AGAP1: variants seen among roughly 807,000 people sequenced by gnomAD.
The protein encoded by AGAP1 is arf-GAP with GTPase, ANK repeat and PH domain-containing protein 1.
Under a neutral mutation model 105.3 loss-of-function variants are expected in AGAP1, and 29 were observed. That is an observed-to-expected ratio of 0.28 (90% CI 0.21 to 0.38). The LOEUF (loss-of-function observed/expected upper bound fraction) is 0.38, where lower values mean the gene tolerates loss of function less well. Among genes scored for constraint, AGAP1 ranks in the 10% least tolerant of loss-of-function variants. The probability of loss-of-function intolerance (pLI) is 1.00; values close to 1 mark genes in which losing one functional copy is unlikely to be tolerated. For synonymous variants in AGAP1, 509 were observed against 485.9 expected, an observed-to-expected ratio of 1.05 and a Z score of -0.63; for missense variants, 998 against 1,165.1, an observed-to-expected ratio of 0.86 and a Z score of 2.09.
Position 235,549,984 on chromosome 2 carries a change from C to T in AGAP1, c.163+55135C>T, listed in dbSNP as rs1347970895. Among the ~76,000 whole-genome samples, 1 of 152,186 alleles carries T rather than the reference C, an allele frequency of 6.6e-6. No homozygotes were observed. Among genetic ancestry groups the T allele is most frequent in the Admixed American group, 6.5e-5 (1 of 15,286 alleles). On this transcript the variant is annotated intron_variant, in intron 1 of 17. Coordinates refer to ENST00000304032, the MANE Select transcript of AGAP1 (RefSeq NM_001037131.3). This position sits in a 1 kb window ranked among gnomAD's most constrained non-coding sequence, Gnocchi z 4.2. ...GAACCACCTGGGCCTTGGGCCTTGG[C>T]TCTGGTAGTCTCACATAACTCTTTG... is the stretch of plus-strand genomic sequence containing the variant.
intron 9 of AGAP1, among the ~76,000 whole-genome samples, chr2:235,871,138 T>C (rs1468073479): frequency 6.6e-6 from 1 of 152,240 alleles, no homozygotes; most frequent in Non-Finnish European, 1.5e-5. Context: ...TCACAGCTAC[T>C]GGCATCCCCA....
In AGAP1 at chr2:235,724,004, C is replaced by T. The variant is rs1008154167; in HGVS notation, c.310+6360C>T. Among the ~76,000 whole-genome samples the T allele has an allele frequency of 6.6e-6, 1 of 152,144 alleles. No homozygotes were observed. Among genetic ancestry groups the T allele is most frequent in the Admixed American group, 6.5e-5 (1 of 15,290 alleles). On this transcript the variant is annotated intron_variant, in intron 3 of 17. Coordinates refer to ENST00000304032, the MANE Select transcript of AGAP1 (RefSeq NM_001037131.3). This position sits in a 1 kb window ranked among gnomAD's most constrained non-coding sequence, Gnocchi z 4.9. ...GGCTGCCTGCGAGGGTCAGTGGTGT[C>T]GTAGCCTGCTGCCGCCACACAGAGG...
rs1195343765 is a variant in AGAP1 at position 235,736,556 on chromosome 2, T to C, written c.311-4407T>C. Among the ~76,000 whole-genome samples, 1 of 152,142 alleles carries C rather than the reference T, an allele frequency of 6.6e-6. No homozygotes were observed. The highest frequency in any genetic ancestry group is 1.9e-4 in the East Asian group (1 of 5,172). On this transcript the variant is annotated intron_variant, in intron 3 of 17. Transcript: ENST00000304032. The surrounding 1 kb of genome is among the most constrained non-coding windows in gnomAD (Gnocchi z 5.5). ...TCAGAAGCTACATTCAGCTTGAAAC[T>C]GGATGTAAAATTTGATGGTATCCTC... is the stretch of plus-strand genomic sequence containing the variant.
Position 235,665,339 on chromosome 2 carries a change from T to G in AGAP1, c.164-43840T>G, listed in dbSNP as rs1039554702. Among the ~76,000 whole-genome samples the G allele has an allele frequency of 9.9e-5, 15 of 152,212 alleles. No homozygotes were observed. Among genetic ancestry groups the G allele is most frequent in the Non-Finnish European group, 1.9e-4 (13 of 68,034 alleles). On this transcript the variant is annotated intron_variant, in intron 1 of 17. Coordinates refer to ENST00000304032, the MANE Select transcript of AGAP1 (RefSeq NM_001037131.3). This position sits in a 1 kb window ranked among gnomAD's most constrained non-coding sequence, Gnocchi z 5.3. The stretch of plus-strand genomic sequence containing the variant: ...GTCTTTTTTCCTGCCAGATCAATGT[T>G]CCTGCCCTACAGACAGACCATACTT...
At chr2:235,920,018 CA>C (rs2052099858) in intron 11 of AGAP1, among the ~76,000 whole-genome samples, 1 of 152,102 alleles carries the variant, frequency 6.6e-6, no homozygotes. Context: ...CATTGTTTTG[CA>C]AAGGTCGGAA....
rs1391243060 is a variant in AGAP1, at chr2:236,005,882, T to G, written c.1646-30679T>G. Among the ~76,000 whole-genome samples the G allele has an allele frequency of 6.6e-6, 1 of 152,224 alleles. No homozygotes were observed. Among genetic ancestry groups the G allele is most frequent in the Non-Finnish European group, 1.5e-5 (1 of 68,038 alleles). ...CTTGATCCTTTGACTTGAGGTAGTGTCTGTCAAGTTATTCTGCTGTAAAGT... is the reference window on the plus strand; with the variant it reads ...CTTGATCCTTTGACTTGAGGTAGTGGCTGTCAAGTTATTCTGCTGTAAAGT... On this transcript the variant is annotated intron_variant, in intron 13 of 17. Coordinates refer to ENST00000304032, the MANE Select transcript of AGAP1 (RefSeq NM_001037131.3). This position sits in a 1 kb window ranked among gnomAD's most constrained non-coding sequence, Gnocchi z 4.1.
chr2:235,932,120 C>T (rs77224070), intron 12 of AGAP1, among the ~76,000 whole-genome samples: 2,236 of 152,264 alleles, frequency 0.015, 50 homozygotes, highest in African/African-American at 0.05. Context: ...ATAAATTAAC[C>T]GTCTACAGTT....
At chr2:235,498,723 G>A (rs953477548) in intron 1 of AGAP1, among the ~76,000 whole-genome samples, 3 of 152,220 alleles carry the variant, frequency 2.0e-5, no homozygotes, top group Non-Finnish European at 2.9e-5. Context: ...CAGGCGGCCC[G>A]ATTCCCAGGT....
rs565903815 is a variant in AGAP1 at position 235,890,895 on chromosome 2, G to A, written c.1155+7446G>A. Among the ~76,000 whole-genome samples the A allele has an allele frequency of 9.8e-5, 14 of 142,598 alleles. No homozygotes were observed. In the South Asian group the frequency reaches 2.6e-3, roughly 26 times the overall value. 93.5% of individuals were successfully genotyped at this position (142,598 alleles called of 152,430 possible). A position where few individuals can be genotyped will look rare whatever the true frequency, so the allele number is the denominator to read the frequency against. ...AGTTAGTTGGATTTCTAAGGAAAAC[G>A]CTGTCCTGAAGTTGAAGCTACTGGG... On this transcript the variant is annotated intron_variant, in intron 10 of 17. Coordinates refer to ENST00000304032, the MANE Select transcript of AGAP1 (RefSeq NM_001037131.3).
In AGAP1 at chr2:235,872,179, T is replaced by G. The variant is rs1257286902; in HGVS notation, c.1051-11166T>G. On this transcript the variant is annotated intron_variant, in intron 9 of 17. Coordinates refer to ENST00000304032, the MANE Select transcript of AGAP1 (RefSeq NM_001037131.3). This position sits in a 1 kb window ranked among gnomAD's most constrained non-coding sequence, Gnocchi z 4.5. ...ATAATCAATGACCATCTGGTTGTCA[T>G]GCACTTTCAGTGGGTTAACAGTTGC... Among the ~76,000 whole-genome samples the G allele has an allele frequency of 6.6e-6, 1 of 152,160 alleles. No individual in the cohort carries two copies. Among genetic ancestry groups the G allele is most frequent in the Admixed American group, 6.5e-5 (1 of 15,274 alleles).
intron 1 of AGAP1, among the ~76,000 whole-genome samples, chr2:235,573,326 C>T (rs950253959): frequency 1.3e-5 from 2 of 151,934 alleles, no homozygotes; most frequent in South Asian, 4.2e-4. Context: ...CTGAAGTGAT[C>T]CTTAGCCCCT....
At chr2:235,910,216 A>T in intron 11 of AGAP1, among the ~76,000 whole-genome samples, 1 of 82,130 alleles carries the variant, frequency 1.2e-5, no homozygotes, top group Admixed American at 1.6e-4. Flanking sequence ...TCCGCTGCAT[A>T]GTGTTAGGCA....
Position 236,022,827 on chromosome 2 carries a change from C to T in AGAP1, c.1646-13734C>T, listed in dbSNP as rs368206896. Among the ~76,000 whole-genome samples the T allele has an allele frequency of 2.4e-4, 37 of 152,276 alleles. No homozygotes were observed. In the East Asian group the frequency reaches 5.6e-3, roughly 23 times the overall value. On this transcript the variant is annotated intron_variant, in intron 13 of 17. Transcript: ENST00000304032. ...TGTTAGGATTACAGGCTTGAGCTACCGCACCCGGTCAGCAGGCTTTCTTTC... is the reference window on the plus strand; with the variant it reads ...TGTTAGGATTACAGGCTTGAGCTACTGCACCCGGTCAGCAGGCTTTCTTTC...
At position 235,537,052 on chromosome 2, in the gene AGAP1, G is replaced by T. The variant is rs114390890; in HGVS notation, c.163+42203G>T. 4.9e-3 allele frequency among the ~76,000 whole-genome samples: 754 copies of T among 152,350 alleles called. 9 individuals carry two copies. Among genetic ancestry groups the T allele is most frequent in the Middle Eastern group, 0.017 (5 of 294 alleles). ...CCTGATGAGCAGCTCCTCTGCGCCT[G>T]CCCAGGTCCAGCGTTGGGCATGCAG... On this transcript the variant is annotated intron_variant, in intron 1 of 17. Coordinates refer to ENST00000304032, the MANE Select transcript of AGAP1 (RefSeq NM_001037131.3).
At position 235,744,783 on chromosome 2, in the gene AGAP1, G is replaced by A. The variant is rs538844406; in HGVS notation, c.482G>A (p.Arg161Gln). Residue 161 changes from arginine to glutamine, a missense_variant, in exon 5 of 18, where the codon CGA becomes CAA. Transcript: ENST00000304032. The surrounding 1 kb of genome is among the most constrained non-coding windows in gnomAD (Gnocchi z 5.2). ...CAGACCGTTTACCACTACTACAGTC[G>A]AATGGCCAACTATCGGAACACGAGC... ...SFQTVYHYYS[R>Q]MANYRNTSEI... The A allele has an allele frequency of 8.7e-6, 14 of 1,613,854 alleles. No homozygotes were observed. The highest frequency in any genetic ancestry group is 1.6e-4 in the Middle Eastern group (1 of 6,084).
At chr2:235,513,910 C>A (rs1277505082) in intron 1 of AGAP1, among the ~76,000 whole-genome samples, 1 of 152,206 alleles carries the variant, frequency 6.6e-6, no homozygotes, top group African/African-American at 2.4e-5. Flanking sequence ...ACAGCACCCC[C>A]ACGCTGAACC....
In AGAP1 at chr2:235,508,960, A is replaced by G. The variant is rs538781325; in HGVS notation, c.163+14111A>G. On this transcript the variant is annotated intron_variant, in intron 1 of 17. Coordinates refer to ENST00000304032, the MANE Select transcript of AGAP1 (RefSeq NM_001037131.3). ...GGGCGGGATGCCGAGTGTGTCGCCAAACTCCACCACTTTAGTCGGGGGCGT... is the reference window on the plus strand; with the variant it reads ...GGGCGGGATGCCGAGTGTGTCGCCAGACTCCACCACTTTAGTCGGGGGCGT... Among the ~76,000 whole-genome samples, 151 of 152,320 alleles carry G rather than the reference A, an allele frequency of 9.9e-4. 1 individual carries two copies. Among genetic ancestry groups the G allele is most frequent in the African/African-American group, 3.6e-3 (149 of 41,580 alleles).
At chr2:235,849,786 C>T (rs1261997049) in intron 9 of AGAP1, among the ~76,000 whole-genome samples, 1 of 152,316 alleles carries the variant, frequency 6.6e-6, no homozygotes, top group Non-Finnish European at 1.5e-5. Context: ...CCTGCTCCAC[C>T]GTCCACTCTG....
chr2:235,958,215 C>T lies in AGAP1; in HGVS notation c.1484-10247C>T, dbSNP rs902951980. On this transcript the variant is annotated intron_variant, in intron 12 of 17. Transcript: ENST00000304032. The surrounding 1 kb of genome is among the most constrained non-coding windows in gnomAD (Gnocchi z 4.1). Reference sequence around the variant, plus strand: ...CTGCTCCTAGCAAATTCGTGGCGTGCCCCTCATCAAACTACGTCCCCTGAG... The same window carrying T: ...CTGCTCCTAGCAAATTCGTGGCGTGTCCCTCATCAAACTACGTCCCCTGAG... Among the ~76,000 whole-genome samples, 1 of 152,152 alleles carries T rather than the reference C, an allele frequency of 6.6e-6. No individual in the cohort carries two copies. Among genetic ancestry groups the T allele is most frequent in the Non-Finnish European group, 1.5e-5 (1 of 68,034 alleles).
Sources: allele counts gnomAD v4.1 joint callset (sites outside exome capture counted in the v4.1 genomes callset), GRCh38; gene constraint gnomAD v4.1.1; non-coding constraint Gnocchi (gnomAD v3.1); transcripts MANE v1.5; gene names NCBI Gene and HGNC (gene_info 2026-07-23, HGNC 2026-07-21).